The following FAM114A1 variants were observed in gnomAD, a reference collection of about 807,000 sequenced individuals.
FAM114A1 encodes protein NOXP20.
Under a neutral mutation model 64.3 loss-of-function variants are expected in FAM114A1, and 62 were observed. The ratio of observed to expected loss-of-function variants is 0.96; its 90% CI spans 0.79 to 1.19. The LOEUF is 1.19. Ranked by LOEUF, FAM114A1 falls within the 50% of genes most tolerant of loss-of-function variation. The pLI, the probability that FAM114A1 is intolerant of heterozygous loss-of-function variation, is 0.00. For missense variants in FAM114A1, 645 were observed against 676.3 expected, an observed-to-expected ratio of 0.95 and a Z score of 0.51; for synonymous variants, 254 against 251.1, an observed-to-expected ratio of 1.01 and a Z score of -0.11.
chr4:38,873,171 A>C (rs541844281), intron 2 of FAM114A1, among the ~76,000 whole-genome samples: 112 of 152,202 alleles, frequency 7.4e-4, no homozygotes, highest in Non-Finnish European at 1.6e-3. Context: ...TAAACTTTGT[A>C]TACCAGCTCA....
At position 38,878,099 on chromosome 4, in the gene FAM114A1, C is replaced by T. The variant is rs116238589; in HGVS notation, c.21C>T (p.Asp7=). Residue 7 remains aspartate, a synonymous_variant, in exon 3 of 15, where the codon GAC becomes GAT. Transcript: ENST00000358869. ...CTAAAATGTCTGATGATGCTGGTGACACCTTAGCCACTGGAGACAAAGCAG... is the reference window on the plus strand; with the variant it reads ...CTAAAATGTCTGATGATGCTGGTGATACCTTAGCCACTGGAGACAAAGCAG... MSDDAG[D]TLATGDKAEV... is the part of the protein sequence containing the mutation. 5.0e-3 allele frequency: 8,037 copies of T among 1,609,968 alleles called. 272 individuals are homozygous for T. In the African/African-American group the frequency reaches 0.079, roughly 16 times the overall value.
At position 38,929,298 on chromosome 4, in the gene FAM114A1, T is replaced by C. The variant is rs1720425487; in HGVS notation, c.1126T>C (p.Leu376=). Residue 376 remains leucine, a synonymous_variant, in exon 10 of 15, where the codon TTA becomes CTA. Transcript: ENST00000358869. ...ARMLTELLFE[L]HVAATPDKLN... Reference sequence around the variant, plus strand: ...CATGCTTACAGAGCTTCTCTTTGAATTACATGTGGCGGCCACACCTGACAA... The same window carrying C: ...CATGCTTACAGAGCTTCTCTTTGAACTACATGTGGCGGCCACACCTGACAA... The C allele has an allele frequency of 6.2e-7, 1 of 1,614,058 alleles. No homozygotes were observed. Among genetic ancestry groups the C allele is most frequent in the Non-Finnish European group, 8.5e-7 (1 of 1,179,942 alleles).
chr4:38,930,493 G>C (rs1175133307), intron 10 of FAM114A1, among the ~76,000 whole-genome samples: 1 of 152,108 alleles, frequency 6.6e-6, no homozygotes, highest in Non-Finnish European at 1.5e-5. Context: ...TGCTCAGAGG[G>C]GGCATGTGGT....
chr4:38,872,866 T>C (rs7667913), intron 2 of FAM114A1, among the ~76,000 whole-genome samples: 3 of 152,150 alleles, frequency 2.0e-5, no homozygotes, highest in East Asian at 3.8e-4. Context: ...GGTGTATCTC[T>C]GGTCCAATAA....
chr4:38,933,786 C>G (rs998403389), intron 12 of FAM114A1, among the ~76,000 whole-genome samples: 3 of 152,236 alleles, frequency 2.0e-5, no homozygotes, highest in African/African-American at 7.2e-5. Flanking sequence ...AAATAGAGCC[C>G]CTGAAAATAT....
At chr4:38,926,806 C>G (rs1720149966) in intron 9 of FAM114A1, among the ~76,000 whole-genome samples, 1 of 152,178 alleles carries the variant, frequency 6.6e-6, no homozygotes, top group Non-Finnish European at 1.5e-5. Flanking sequence ...CTGTCTAGCC[C>G]TCCAGCTCTC....
At chr4:38,914,453 C>T (rs187256202) in intron 7 of FAM114A1, among the ~76,000 whole-genome samples, 26 of 152,230 alleles carry the variant, frequency 1.7e-4, no homozygotes, top group African/African-American at 6.0e-4. Flanking sequence ...GTAGTCCCAG[C>T]TCCTCAGGAG....
intron 4 of FAM114A1, among the ~76,000 whole-genome samples, chr4:38,892,737 A>G (rs946125459): frequency 2.0e-5 from 3 of 152,244 alleles, no homozygotes; most frequent in African/African-American, 7.2e-5. Flanking sequence ...GGTGCAGTCC[A>G]TGGCCATGAG....
chr4:38,891,812 T>C lies in FAM114A1; in HGVS notation c.418T>C (p.Ser140Pro). 2 of 1,612,436 alleles carry C rather than the reference T, an allele frequency of 1.2e-6. No homozygotes were observed. Among genetic ancestry groups the C allele is most frequent in the South Asian group, 2.2e-5 (2 of 90,830 alleles). The change falls in exon 4 of 15, where the codon TCA becomes CCA. Residue 140 changes from serine (S) to proline (P), a missense_variant. Transcript: ENST00000358869. ...WGSWGKSLLS[S>P]ASATVGHGLT... ...ATCCTGGGGCAAATCTCTGCTGTCG[T>C]CAGCATCTGCCACAGTAGGTAAGCA...
At chr4:38,896,133 A>G (rs6856738) in intron 4 of FAM114A1, among the ~76,000 whole-genome samples, 6,444 of 152,258 alleles carry the variant, frequency 0.042, 184 homozygotes, top group Middle Eastern at 0.12. Flanking sequence ...CAAAGGGTAC[A>G]TGAGGAAAGT....
chr4:38,916,484 A>C (rs1719062824), intron 8 of FAM114A1, among the ~76,000 whole-genome samples: 2 of 152,202 alleles, frequency 1.3e-5, no homozygotes, highest in Admixed American at 1.3e-4. Flanking sequence ...TGCAGCCATA[A>C]AAAAGAATGA....
intron 11 of FAM114A1, 143 bp downstream of exon 11, chr4:38,931,755 A>G: frequency 1.3e-6 from 1 of 756,142 alleles, no homozygotes; most frequent in Non-Finnish European, 2.0e-6. Context: ...AGCCTGGCCA[A>G]CATGGTGAAA....
intron 7 of FAM114A1, 170 bp from the exon 8 acceptor site, chr4:38,914,749 TAA>T: frequency 1.4e-6 from 1 of 693,974 alleles, no homozygotes; most frequent in Admixed American, 3.0e-5. Flanking sequence ...GGATATGATG[TAA>T]AAGTTATCAA....
At chr4:38,935,570 G>T (rs565291176) in intron 12 of FAM114A1, 148 bp from the exon 13 acceptor site, 4 of 496,346 alleles carry the variant, frequency 8.1e-6, no homozygotes, top group East Asian at 3.4e-5. Context: ...AAGGAAAACC[G>T]CCTGACTGCA....
chr4:38,878,031 A>G, intron 2 of FAM114A1, 40 bp from the exon 3 acceptor site: 2 of 1,492,270 alleles, frequency 1.3e-6, no homozygotes, highest in South Asian at 1.3e-5. Context: ...AAGCTTAACA[A>G]TTCGATGAAA....
At chr4:38,897,321 T>C (rs962108254) in intron 4 of FAM114A1, among the ~76,000 whole-genome samples, 1 of 152,198 alleles carries the variant, frequency 6.6e-6, no homozygotes, top group African/African-American at 2.4e-5. Context: ...CCTGTGTCTA[T>C]GCATAGAAGG....
At chr4:38,867,973 A>G in intron 1 of FAM114A1, 139 bp downstream of exon 1, 1 of 359,746 alleles carries the variant, frequency 2.8e-6, no homozygotes, top group Non-Finnish European at 5.7e-6. Flanking sequence ...TGCGTTAGTG[A>G]GAAGCAGTGG....
intron 2 of FAM114A1, 62 bp from the exon 3 acceptor site, chr4:38,878,009 G>A (rs1230316044): frequency 7.3e-7 from 1 of 1,378,236 alleles, no homozygotes; most frequent in African/African-American, 1.5e-5. Context: ...ATTTATCCAG[G>A]GCTTTGAATT....
rs773017701 is a variant in FAM114A1 at position 38,891,811 on chromosome 4, G to A, written c.417G>A (p.Ser139=). The A allele has an allele frequency of 5.6e-6, 9 of 1,612,454 alleles. No homozygotes were observed. The highest frequency in any genetic ancestry group is 3.4e-5 in the Admixed American group (2 of 59,632). ...GWGSWGKSLL[S]SASATVGHGL... is the part of the protein sequence containing the mutation. ...GATCCTGGGGCAAATCTCTGCTGTCGTCAGCATCTGCCACAGTAGGTAAGC... is the reference window on the plus strand; with the variant it reads ...GATCCTGGGGCAAATCTCTGCTGTCATCAGCATCTGCCACAGTAGGTAAGC... The change falls in exon 4 of 15, where the codon TCG becomes TCA. Residue 139 remains serine, a synonymous_variant. Coordinates refer to ENST00000358869, the MANE Select transcript of FAM114A1 (RefSeq NM_138389.4).
Sources: gnomAD v4.1 joint callset for allele counts (sites outside exome capture counted in the v4.1 genomes callset) on GRCh38, gnomAD v4.1.1 for gene constraint, MANE v1.5 for transcripts, NCBI Gene and HGNC (gene_info 2026-07-23, HGNC 2026-07-21) for gene names.